Variants in GADL1 observed in about 807,000 individuals in gnomAD.
GADL1 encodes acidic amino acid decarboxylase GADL1.
A neutral mutation model predicts 69.5 loss-of-function variants in GADL1; 71 were observed. The observed-to-expected ratio is 1.02, with a 90% CI of 0.84 to 1.25. GADL1 has a LOEUF of 1.25. Ranked by LOEUF, GADL1 falls within the 50% of genes most tolerant of loss-of-function variation. The probability of loss-of-function intolerance (pLI) is 0.00; values close to 1 mark genes in which losing one functional copy is unlikely to be tolerated. For synonymous variants in GADL1, 254 were observed against 214.4 expected, an observed-to-expected ratio of 1.18 and a Z score of -1.62; for missense variants, 737 against 631.8, an observed-to-expected ratio of 1.17 and a Z score of -1.79.
intron 12 of GADL1, among the ~76,000 whole-genome samples, chr3:30,787,504 C>A (rs1429738715): frequency 1.3e-5 from 2 of 152,230 alleles, no homozygotes; most frequent in East Asian, 3.9e-4. Context: ...CCCAGTACTT[C>A]AAATCTAGGA....
chr3:30,884,060 A>C (rs1698675217), intron 1 of GADL1, among the ~76,000 whole-genome samples: 1 of 151,900 alleles, frequency 6.6e-6, no homozygotes, highest in Non-Finnish European at 1.5e-5. Context: ...TTAGTCTACA[A>C]AATTCTGCTA....
chr3:30,779,362 C>G (rs1696608465), intron 13 of GADL1, among the ~76,000 whole-genome samples: 1 of 152,208 alleles, frequency 6.6e-6, no homozygotes, highest in Non-Finnish European at 1.5e-5. Flanking sequence ...TGCAACAGTT[C>G]TCAATAACTG....
chr3:30,805,907 A>G (rs1239557984), intron 11 of GADL1, among the ~76,000 whole-genome samples: 1 of 151,754 alleles, frequency 6.6e-6, no homozygotes, highest in Non-Finnish European at 1.5e-5. Context: ...CCTCTTACGC[A>G]CGGTTCACAA....
chr3:30,867,466 A>G (rs374630506), intron 1 of GADL1, among the ~76,000 whole-genome samples: 11 of 150,486 alleles, frequency 7.3e-5, no homozygotes, highest in East Asian at 3.9e-4. Context: ...ATATACATAT[A>G]TATGAGAGAG....
chr3:30,887,747 C>T (rs1023274646), intron 1 of GADL1, among the ~76,000 whole-genome samples: 3 of 152,050 alleles, frequency 2.0e-5, no homozygotes, highest in African/African-American at 7.2e-5. Context: ...GGTTCTTCAA[C>T]AGGTAAATTT....
chr3:30,841,713 A>G (rs1221205272), intron 8 of GADL1, among the ~76,000 whole-genome samples: 1 of 152,186 alleles, frequency 6.6e-6, no homozygotes, highest in Non-Finnish European at 1.5e-5. Flanking sequence ...GACAATGATC[A>G]TCAATGGCAG....
intron 1 of GADL1, among the ~76,000 whole-genome samples, chr3:30,869,235 G>T (rs77970372): frequency 0.027 from 4,040 of 151,876 alleles, 99 homozygotes; most frequent in Non-Finnish European, 0.04. Context: ...AAGAATGGAT[G>T]CCTAATTTAC....
chr3:30,767,917 GAA>G, intron 14 of GADL1, among the ~76,000 whole-genome samples: 1 of 151,674 alleles, frequency 6.6e-6, no homozygotes, highest in East Asian at 1.9e-4. Flanking sequence ...CTTAAAATAT[GAA>G]AAAAATGAAT....
At chr3:30,778,801 C>T (rs1285898359) in intron 13 of GADL1, 2 of 152,144 alleles carry the variant, frequency 1.3e-5, no homozygotes, top group Admixed American at 6.5e-5. Flanking sequence ...GAAAAAAGAA[C>T]ATCACCTTGA....
chr3:30,802,047 C>A (rs976973257), intron 11 of GADL1, among the ~76,000 whole-genome samples: 1 of 152,158 alleles, frequency 6.6e-6, no homozygotes, highest in Non-Finnish European at 1.5e-5. Context: ...TTATAAGCTG[C>A]GAAGTTTACT....
rs190759275 is a variant in GADL1, at chr3:30,801,817, T to C, written c.1051-729A>G. 5.0e-3 allele frequency among the ~76,000 whole-genome samples: 767 copies of C among 152,306 alleles called. 4 individuals are homozygous for C. The highest frequency in any genetic ancestry group is 0.031 in the Middle Eastern group (9 of 294). On this transcript the variant is annotated intron_variant, in intron 11 of 14. Transcript: ENST00000282538. ...CCATGTTGTCTTCAATGTCATCTAG[T>C]GTCTACAAAAGCCAAGATTTCCTAA...
At chr3:30,876,748 C>T (rs1698581543) in intron 1 of GADL1, among the ~76,000 whole-genome samples, 1 of 151,910 alleles carries the variant, frequency 6.6e-6, no homozygotes, top group Non-Finnish European at 1.5e-5. Context: ...GCTCAGCATC[C>T]TTCAACCAAT....
At chr3:30,786,476 CA>C (rs1257019309) in intron 12 of GADL1, 70 bp from the exon 13 acceptor site, 1 of 814,524 alleles carries the variant, frequency 1.2e-6, no homozygotes, top group African/African-American at 1.7e-5. Flanking sequence ...ACTGATATGA[CA>C]AAACTGATTC....
intron 6 of GADL1, among the ~76,000 whole-genome samples, chr3:30,848,411 A>G (rs999375698): frequency 6.6e-6 from 1 of 152,216 alleles, no homozygotes; most frequent in Non-Finnish European, 1.5e-5. Flanking sequence ...AGGAGAAATT[A>G]GTGCACAATT....
intron 1 of GADL1, among the ~76,000 whole-genome samples, chr3:30,864,975 G>A (rs1698376602): frequency 1.3e-5 from 2 of 151,892 alleles, no homozygotes; most frequent in African/African-American, 4.8e-5. Flanking sequence ...ATCACATGAT[G>A]ACTCCTGCTT....
intron 14 of GADL1, among the ~76,000 whole-genome samples, chr3:30,731,627 C>T (rs543869255): frequency 3.9e-5 from 6 of 152,246 alleles, no homozygotes; most frequent in South Asian, 2.1e-4. Context: ...ATGGGCAAAA[C>T]GCAGGGAATA....
At chr3:30,778,398 A>T in intron 13 of GADL1, 130 bp from the exon 14 acceptor site, 1 of 628,020 alleles carries the variant, frequency 1.6e-6, no homozygotes. Flanking sequence ...TCAGAATCTT[A>T]TAGAGTAACA....
At chr3:30,742,205 G>C (rs1283405337) in intron 14 of GADL1, among the ~76,000 whole-genome samples, 1 of 151,746 alleles carries the variant, frequency 6.6e-6, no homozygotes, top group African/African-American at 2.4e-5. Flanking sequence ...AAATCCATGA[G>C]CATAATAAAA....
At chr3:30,844,102 G>A (rs1456879224) in intron 8 of GADL1, 108 bp downstream of exon 8, 1 of 784,750 alleles carries the variant, frequency 1.3e-6, no homozygotes, top group Non-Finnish European at 2.1e-6. Flanking sequence ...CATAGAAATG[G>A]TTTTGGCTGT....
Sources: allele counts gnomAD v4.1 joint callset (sites outside exome capture counted in the v4.1 genomes callset), GRCh38; gene constraint gnomAD v4.1.1; transcripts MANE v1.5; gene names NCBI Gene and HGNC (gene_info 2026-07-23, HGNC 2026-07-21).